CNTN4: variants seen among roughly 807,000 people sequenced by gnomAD.
CNTN4 encodes the protein contactin 4, also known as contactin-4.
In CNTN4, 77 loss-of-function variants were observed where a neutral mutation model predicts 122.5. The ratio of observed to expected loss-of-function variants is 0.63; its 90% CI spans 0.52 to 0.76. The LOEUF (loss-of-function observed/expected upper bound fraction) is 0.76. Ranked by LOEUF, CNTN4 falls within the 30% of genes least tolerant of loss-of-function variation. The pLI, the probability that CNTN4 is intolerant of heterozygous loss-of-function variation, is 0.00. For missense variants in CNTN4, 1,256 were observed against 1,259.1 expected, an observed-to-expected ratio of 1.00 and a Z score of 0.04; for synonymous variants, 512 against 447.0, an observed-to-expected ratio of 1.15 and a Z score of -1.83.
At chr3:2,814,986 C>T (rs62234211) in intron 6 of CNTN4, among the ~76,000 whole-genome samples, 36,772 of 152,008 alleles carry the variant, frequency 0.24, 4,689 homozygotes, top group East Asian at 0.48. Context: ...ATGTATATTC[C>T]GTCTCATAAT....
At chr3:2,125,582 C>T (rs570446759) in intron 2 of CNTN4, among the ~76,000 whole-genome samples, 9 of 138,060 alleles carry the variant, frequency 6.5e-5, no homozygotes, top group Admixed American at 3.1e-4. Context: ...TTTTTTGAGA[C>T]GAGTCTCACA....
At chr3:2,205,555 C>T (rs2038303102) in intron 2 of CNTN4, among the ~76,000 whole-genome samples, 1 of 151,964 alleles carries the variant, frequency 6.6e-6, no homozygotes, top group Non-Finnish European at 1.5e-5. Flanking sequence ...CTCAAGTTCT[C>T]ACTCAATCGT....
intron 4 of CNTN4, among the ~76,000 whole-genome samples, chr3:2,677,108 ATAGATAGATAGATCACTCTTT>A (rs1310950973): frequency 2.1e-4 from 32 of 150,830 alleles, no homozygotes; most frequent in African/African-American, 7.1e-4. Context: ...CTCTCTATAG[ATAGATAGATAGATCACTCTTT>A]TAGATAGATA....
intron 2 of CNTN4, among the ~76,000 whole-genome samples, chr3:2,211,263 A>G (rs2038603708): frequency 6.6e-6 from 1 of 152,056 alleles, no homozygotes; most frequent in African/African-American, 2.4e-5. Context: ...CACAAAGACA[A>G]CAGCAAGCCA....
intron 3 of CNTN4, among the ~76,000 whole-genome samples, chr3:2,382,171 ATT>A (rs60838071): frequency 3.4e-4 from 47 of 139,618 alleles, no homozygotes; most frequent in African/African-American, 5.0e-4. Context: ...TCCTATCGTG[ATT>A]TTTTTTTTTT....
At chr3:2,552,455 CAA>C (rs2078548886) in intron 3 of CNTN4, among the ~76,000 whole-genome samples, 1 of 152,116 alleles carries the variant, frequency 6.6e-6, no homozygotes, top group Admixed American at 6.6e-5. Context: ...GAGTACAAGA[CAA>C]ATGCTCATCA....
chr3:2,191,622 C>T (rs1314717397), intron 2 of CNTN4, among the ~76,000 whole-genome samples: 9 of 151,820 alleles, frequency 5.9e-5, no homozygotes, highest in Non-Finnish European at 1.3e-4. Context: ...TTCAGGTCTT[C>T]CAAGTTCAGG....
At chr3:2,730,203 C>T (rs999471793) in intron 4 of CNTN4, among the ~76,000 whole-genome samples, 4 of 152,166 alleles carry the variant, frequency 2.6e-5, no homozygotes, top group Admixed American at 2.0e-4. Flanking sequence ...CAAGTCTAAA[C>T]ATGAAAATCA....
intron 2 of CNTN4, among the ~76,000 whole-genome samples, chr3:2,142,471 C>G (rs1238154211): frequency 2.6e-5 from 4 of 151,928 alleles, no homozygotes; most frequent in Non-Finnish European, 5.9e-5. Flanking sequence ...TCAAGAGATT[C>G]TCCTGCCTCA....
chr3:2,533,121 A>G (rs1279177929), intron 3 of CNTN4, among the ~76,000 whole-genome samples: 1 of 151,114 alleles, frequency 6.6e-6, no homozygotes, highest in African/African-American at 2.4e-5. Context: ...TAGAAGACAG[A>G]TTGATTCTTC....
chr3:2,638,632 G>A (rs1045317272), intron 4 of CNTN4, among the ~76,000 whole-genome samples: 6 of 151,844 alleles, frequency 4.0e-5, no homozygotes, highest in African/African-American at 1.5e-4. Context: ...TTCTTTATAT[G>A]AAAACTAATA....
At chr3:2,503,371 C>T (rs986489975) in intron 3 of CNTN4, among the ~76,000 whole-genome samples, 6 of 152,098 alleles carry the variant, frequency 3.9e-5, no homozygotes, top group Admixed American at 2.6e-4. Flanking sequence ...AGTCTTTCAA[C>T]GTTTGTCTAT....
At chr3:2,584,871 TAGGTAGGTAGGTAGATACGAAGTAGGA>T (rs1432603447) in intron 4 of CNTN4, among the ~76,000 whole-genome samples, 1 of 151,608 alleles carries the variant, frequency 6.6e-6, no homozygotes, top group Non-Finnish European at 1.5e-5. Context: ...TCTACAGTGG[TAGGTAGGTAGGTAGATACGAAGTAGGA>T]AGGTAGGTAG....
At chr3:2,957,302 G>T (rs1313680262) in intron 13 of CNTN4, among the ~76,000 whole-genome samples, 1 of 152,046 alleles carries the variant, frequency 6.6e-6, no homozygotes, top group African/African-American at 2.4e-5. Context: ...AATGCTTGTT[G>T]TCTCTTGTCT....
chr3:2,240,531 T>A lies in CNTN4; in HGVS notation c.-144-98647T>A, dbSNP rs189680117. On this transcript the variant is annotated intron_variant, in intron 2 of 24. Transcript: ENST00000418658. ...ATTTCTCAAACTTTGTTTCTAACTC[T>A]GAAATCCTATGATTTTATGATTTTT... Among the ~76,000 whole-genome samples the A allele has an allele frequency of 3.6e-3, 555 of 152,318 alleles. 7 individuals are homozygous for A. The highest frequency in any genetic ancestry group is 1.9e-3 in the Non-Finnish European group (127 of 68,014).
At chr3:2,576,114 C>A (rs144108813) in intron 4 of CNTN4, among the ~76,000 whole-genome samples, 4 of 152,076 alleles carry the variant, frequency 2.6e-5, no homozygotes, top group Admixed American at 6.5e-5. Context: ...GAATTACAGG[C>A]GTGAGCCACC....
chr3:2,375,449 A>G (rs2045780703), intron 3 of CNTN4, among the ~76,000 whole-genome samples: 1 of 152,132 alleles, frequency 6.6e-6, no homozygotes, highest in South Asian at 2.1e-4. Flanking sequence ...CTATTTTCTA[A>G]GGGACTTTCA....
intron 2 of CNTN4, among the ~76,000 whole-genome samples, chr3:2,176,638 A>C (rs1430798196): frequency 6.6e-6 from 1 of 152,192 alleles, no homozygotes; most frequent in East Asian, 1.9e-4. Flanking sequence ...CACTGCTTTA[A>C]GAAAAAGTGT....
chr3:2,708,727 TCACACACACACACACACACA>T (rs10530575), intron 4 of CNTN4, among the ~76,000 whole-genome samples: 875 of 150,998 alleles, frequency 5.8e-3, no homozygotes, highest in Middle Eastern at 0.02. Context: ...CACGCGCGCA[TCACACACACACACACACACA>T]CACACACACA....
Sources: allele counts gnomAD v4.1 joint callset (sites outside exome capture counted in the v4.1 genomes callset), GRCh38; gene constraint gnomAD v4.1.1; transcripts MANE v1.5; gene names NCBI Gene and HGNC (gene_info 2026-07-23, HGNC 2026-07-21).